GRID2: variants seen among roughly 807,000 people sequenced by gnomAD.
GRID2 encodes glutamate ionotropic receptor delta type subunit 2.
Under a neutral mutation model 114.8 loss-of-function variants are expected in GRID2, and 33 were observed. The observed-to-expected ratio is 0.29, with a 90% confidence interval of 0.22 to 0.38. The LOEUF (loss-of-function observed/expected upper bound fraction) is 0.38. GRID2 is among the 10% of genes least tolerant of loss of function. The pLI, the probability that GRID2 is intolerant of heterozygous loss-of-function variation, is 1.00. For missense variants in GRID2, 1,184 were observed against 1,257.7 expected (o/e 0.94, Z 0.89); for synonymous variants, 505 against 449.9 (o/e 1.12, Z -1.55).
chr4:93,561,754 A>G (rs1001064971), intron 13 of GRID2, among the ~76,000 whole-genome samples: 1 of 152,156 alleles, frequency 6.6e-6, no homozygotes, highest in African/African-American at 2.4e-5. Flanking sequence ...TGTCTTTCCC[A>G]GAATATCATG....
At chr4:92,734,771 G>GTTTT (rs1347483850) in intron 2 of GRID2, among the ~76,000 whole-genome samples, 2 of 137,752 alleles carry the variant, frequency 1.5e-5, no homozygotes, top group Non-Finnish European at 3.2e-5. Flanking sequence ...CTTTTTTTTA[G>GTTTT]TTTTTTTTTT....
chr4:92,803,863 G>T (rs1407759460), intron 2 of GRID2, among the ~76,000 whole-genome samples: 1 of 151,974 alleles, frequency 6.6e-6, no homozygotes, highest in East Asian at 1.9e-4. Flanking sequence ...CTCAGTTCTG[G>T]AGGCAAGAAG....
chr4:92,461,109 A>G (rs1352333443), intron 1 of GRID2, among the ~76,000 whole-genome samples: 2 of 151,430 alleles, frequency 1.3e-5, no homozygotes, highest in Non-Finnish European at 2.9e-5. Context: ...TTTCTTTCTT[A>G]TATGTGTTTT....
intron 3 of GRID2, among the ~76,000 whole-genome samples, chr4:93,096,071 A>T (rs1015804199): frequency 2.6e-5 from 4 of 152,018 alleles, no homozygotes; most frequent in African/African-American, 9.7e-5. Context: ...ACCCACAGGC[A>T]TAGAGTGGGG....
At chr4:93,131,895 A>AT (rs1285431262) in intron 4 of GRID2, among the ~76,000 whole-genome samples, 3 of 152,278 alleles carry the variant, frequency 2.0e-5, no homozygotes, top group African/African-American at 2.4e-5. Flanking sequence ...ATCTAGGAAC[A>AT]TCTGTTAGTT....
intron 1 of GRID2, among the ~76,000 whole-genome samples, chr4:92,454,945 A>T (rs569764326): frequency 4.3e-4 from 66 of 152,246 alleles, no homozygotes; most frequent in African/African-American, 1.5e-3. Context: ...TAGAGTATTT[A>T]AAAAAAATTA....
At chr4:93,020,246 G>T (rs1299771722) in intron 2 of GRID2, among the ~76,000 whole-genome samples, 2 of 152,066 alleles carry the variant, frequency 1.3e-5, no homozygotes, top group African/African-American at 2.4e-5. Context: ...AAAAGTAATG[G>T]TCTATGAATT....
At chr4:92,517,523 A>G (rs749964023) in intron 1 of GRID2, among the ~76,000 whole-genome samples, 33 of 151,946 alleles carry the variant, frequency 2.2e-4, no homozygotes, top group Non-Finnish European at 3.8e-4. Context: ...GTTAAAAAAT[A>G]TTAAATATCT....
chr4:92,417,640 T>C (rs1252967928), intron 1 of GRID2, among the ~76,000 whole-genome samples: 1 of 152,126 alleles, frequency 6.6e-6, no homozygotes, highest in Non-Finnish European at 1.5e-5. Context: ...TTACATGCCA[T>C]TGTGGAGGTT....
At chr4:92,525,985 A>AT (rs1725023312) in intron 1 of GRID2, among the ~76,000 whole-genome samples, 1 of 152,114 alleles carries the variant, frequency 6.6e-6, no homozygotes. Flanking sequence ...CTATATATTT[A>AT]TACTACCACG....
At chr4:92,940,353 T>A (rs1191060296) in intron 2 of GRID2, among the ~76,000 whole-genome samples, 2 of 145,068 alleles carry the variant, frequency 1.4e-5, no homozygotes, top group African/African-American at 2.4e-5. Flanking sequence ...TCACTCATAA[T>A]TTGGCTCTCT....
chr4:92,414,253 C>T (rs1731482376), intron 1 of GRID2, among the ~76,000 whole-genome samples: 1 of 152,056 alleles, frequency 6.6e-6, no homozygotes, highest in Non-Finnish European at 1.5e-5. Flanking sequence ...GAAGAGAAAA[C>T]ATACTAGAGA....
At chr4:92,995,250 C>T (rs1241820879) in intron 2 of GRID2, among the ~76,000 whole-genome samples, 1 of 152,068 alleles carries the variant, frequency 6.6e-6, no homozygotes. Context: ...CATCTCTCTT[C>T]TTTATTCTCT....
chr4:92,646,889 T>C (rs1731662756), intron 2 of GRID2, among the ~76,000 whole-genome samples: 1 of 770 alleles, frequency 1.3e-3, no homozygotes, highest in African/African-American at 0.01. Flanking sequence ...CTTTGAATTC[T>C]TTTTTTTTTT....
intron 1 of GRID2, among the ~76,000 whole-genome samples, chr4:92,530,915 G>T (rs11736155): frequency 3.2e-4 from 49 of 151,598 alleles, no homozygotes; most frequent in African/African-American, 1.1e-3. Flanking sequence ...TTGGCGGGGG[G>T]GGAGAAAGAG....
intron 8 of GRID2, among the ~76,000 whole-genome samples, chr4:93,322,751 G>C (rs1164217743): frequency 6.6e-6 from 1 of 152,188 alleles, no homozygotes; most frequent in African/African-American, 2.4e-5. Flanking sequence ...ACTGGTGTGA[G>C]ATGGTATCTC....
At chr4:92,841,531 G>C (rs1578281021) in intron 2 of GRID2, among the ~76,000 whole-genome samples, 1 of 151,986 alleles carries the variant, frequency 6.6e-6, no homozygotes, top group Non-Finnish European at 1.5e-5. Context: ...TAGTTTATAA[G>C]AATCTAAATA....
At chr4:93,227,864 C>G (rs1160133338) in intron 7 of GRID2, among the ~76,000 whole-genome samples, 1 of 152,194 alleles carries the variant, frequency 6.6e-6, no homozygotes, top group Non-Finnish European at 1.5e-5. Context: ...TGAGACCTCA[C>G]CAGAATGTCC....
intron 2 of GRID2, among the ~76,000 whole-genome samples, chr4:92,981,691 T>C (rs1163977045): frequency 2.0e-5 from 3 of 152,004 alleles, no homozygotes; most frequent in Non-Finnish European, 2.9e-5. Context: ...ATTATATAAA[T>C]ACATTTGATG....
Sources: gnomAD v4.1 joint callset for allele counts (sites outside exome capture counted in the v4.1 genomes callset) on GRCh38, gnomAD v4.1.1 for gene constraint, MANE v1.5 for transcripts, NCBI Gene and HGNC (gene_info 2026-07-23, HGNC 2026-07-21) for gene names.